The following MGST2 variants were observed in gnomAD, a reference collection of about 807,000 sequenced individuals.
The protein encoded by MGST2 is glutathione peroxidase MGST2.
A neutral mutation model predicts 16.6 loss-of-function variants in MGST2; 9 were observed. That is an observed-to-expected ratio of 0.54 (90% CI 0.33 to 0.95). The LOEUF is 0.95. Among genes scored for constraint, MGST2 ranks in the 40% least tolerant of loss-of-function variants. The probability of loss-of-function intolerance (pLI) is 0.03; values close to 1 mark genes in which losing one functional copy is unlikely to be tolerated. For synonymous variants in MGST2, 79 were observed against 68.0 expected (o/e 1.16, Z -0.79); for missense variants, 159 against 175.1 (o/e 0.91, Z 0.52).
At position 139,701,226 on chromosome 4, in the gene MGST2, C is replaced by A. The variant is rs572860633; in HGVS notation, c.230-2229C>A. On this transcript the variant is annotated intron_variant, in intron 3 of 4. Coordinates refer to ENST00000265498, the MANE Select transcript of MGST2 (RefSeq NM_002413.5). ...TGCTTGAGTATCTTGTCAGAAATTT[C>A]TTTTCATTCTTTCTCATCCAAAGTA... is the stretch of plus-strand genomic sequence containing the variant. Among the ~76,000 whole-genome samples, 16 of 152,260 alleles carry A rather than the reference C, an allele frequency of 1.1e-4. No homozygotes were observed. In the South Asian group the frequency reaches 3.3e-3, roughly 32 times the overall value.
intron 5 of MGST2, among the ~76,000 whole-genome samples, chr4:139,733,571 A>C (rs1427641881): frequency 1.4e-4 from 21 of 152,192 alleles, no homozygotes; most frequent in Non-Finnish European, 2.5e-4. Context: ...AAAAAAAAAA[A>C]AAAACCCTCC....
intron 5 of MGST2, among the ~76,000 whole-genome samples, chr4:139,728,922 C>G (rs1300239315): frequency 6.6e-6 from 1 of 152,146 alleles, no homozygotes; most frequent in African/African-American, 2.4e-5. Flanking sequence ...AAAGCCATCA[C>G]TCAAAACATC....
chr4:139,686,519 C>G (rs907642282), intron 2 of MGST2, among the ~76,000 whole-genome samples: 1 of 152,034 alleles, frequency 6.6e-6, no homozygotes, highest in Non-Finnish European at 1.5e-5. Flanking sequence ...GGTTGGGGGG[C>G]CTTAGAATTT....
chr4:139,750,874 G>C, the MGST2 span, among the ~76,000 whole-genome samples: 2 of 152,134 alleles, frequency 1.3e-5, no homozygotes, highest in Non-Finnish European at 2.9e-5. Flanking sequence ...TCAGAAGAAG[G>C]GTTTTTGTTT....
chr4:139,709,013 A>AAG (rs1727633781), downstream of MGST2, among the ~76,000 whole-genome samples: 4 of 143,426 alleles, frequency 2.8e-5, no homozygotes, highest in Admixed American at 2.8e-4. Context: ...AAAAAAAAAA[A>AAG]AAGAAAAAGA....
At chr4:139,718,533 GT>G (rs1036378995) in intron 5 of MGST2, 3 of 152,364 alleles carry the variant, frequency 2.0e-5, no homozygotes, top group African/African-American at 7.2e-5. Context: ...TATGGGTTTT[GT>G]ATTGGGCGCC....
intron 2 of MGST2, among the ~76,000 whole-genome samples, chr4:139,686,909 AGGCTAAGTCCCTG>A (rs1475421610): frequency 6.6e-6 from 1 of 152,186 alleles, no homozygotes; most frequent in African/African-American, 2.4e-5. Flanking sequence ...GGTATCAAGG[AGGCTAAGTCCCTG>A]GGCCACTTCT....
chr4:139,675,881 T>C (rs1245344578), intron 1 of MGST2, among the ~76,000 whole-genome samples: 3 of 152,194 alleles, frequency 2.0e-5, no homozygotes, highest in South Asian at 4.1e-4. Flanking sequence ...TTGTCATGCA[T>C]GCATTCCGGA....
chr4:139,666,415 C>A (rs1242654157), intron 1 of MGST2, among the ~76,000 whole-genome samples: 1 of 152,182 alleles, frequency 6.6e-6, no homozygotes, highest in African/African-American at 2.4e-5. Context: ...TGCTAACCTG[C>A]AGGAAGTGGT....
chr4:139,666,564 A>C (rs1188166429), intron 1 of MGST2, among the ~76,000 whole-genome samples: 3 of 152,206 alleles, frequency 2.0e-5, no homozygotes, highest in African/African-American at 7.2e-5. Context: ...GATTGAAAAA[A>C]ACTTCCTTCA....
rs899640178 is a variant in MGST2 at position 139,735,417 on chromosome 4, G to C, written c.*49-4795G>C. On this transcript the variant is annotated intron_variant, in intron 5 of 5. Coordinates refer to the MGST2 transcript ENST00000616265. The surrounding 1 kb of genome is among the most constrained non-coding windows in gnomAD (Gnocchi z 5.8). ...GTGGGGGAGGGCGCGGGAAGGGGAC[G>C]TGGAGGGAAACGGAAGGGCTGGGAG... Among the ~76,000 whole-genome samples the C allele has an allele frequency of 3.3e-5, 5 of 151,806 alleles. No homozygotes were observed. Among genetic ancestry groups the C allele is most frequent in the Admixed American group, 2.0e-4 (3 of 15,256 alleles).
chr4:139,751,291 A>G, the MGST2 span, among the ~76,000 whole-genome samples: 26,195 of 152,152 alleles, frequency 0.17, 2,911 homozygotes, highest in African/African-American at 0.31. Context: ...TATCCAAAAT[A>G]TTTGGGATCA....
the MGST2 span, among the ~76,000 whole-genome samples, chr4:139,753,341 AATCTATCTATCT>A: frequency 6.3e-4 from 92 of 146,690 alleles, no homozygotes; most frequent in African/African-American, 1.0e-3. Flanking sequence ...TTTTCTTTTT[AATCTATCTATCT>A]ATCTATCTAT....
downstream of MGST2, among the ~76,000 whole-genome samples, chr4:139,707,401 A>C (rs1229764884): frequency 0.018 from 1,743 of 97,798 alleles, no homozygotes; most frequent in Admixed American, 0.024. Flanking sequence ...TTATGGCTGC[A>C]TAGTATTCCA....
chr4:139,690,528 TC>T (rs1460379974), intron 2 of MGST2, among the ~76,000 whole-genome samples: 1 of 152,174 alleles, frequency 6.6e-6, no homozygotes, highest in East Asian at 1.9e-4. Flanking sequence ...AATGGATAAA[TC>T]CCAGATTCTC....
intron 5 of MGST2, chr4:139,719,680 G>T (rs780078440): frequency 6.2e-7 from 1 of 1,613,444 alleles, no homozygotes; most frequent in Non-Finnish European, 8.5e-7. Flanking sequence ...CTGGGTTGAG[G>T]GTCCTCACTG....
chr4:139,736,436 C>A (rs113228425), intron 5 of MGST2, among the ~76,000 whole-genome samples: 2 of 152,156 alleles, frequency 1.3e-5, no homozygotes, highest in African/African-American at 4.8e-5. Flanking sequence ...TAGACAGAGG[C>A]GCCTGGCTGT....
At chr4:139,724,557 C>T (rs955356739) in intron 5 of MGST2, among the ~76,000 whole-genome samples, 2 of 152,096 alleles carry the variant, frequency 1.3e-5, no homozygotes, top group Non-Finnish European at 2.9e-5. Flanking sequence ...TTATATGTTT[C>T]TCTGCAAGAG....
At chr4:139,709,327 C>T (rs188480733) in intron 5 of MGST2, among the ~76,000 whole-genome samples, 2 of 152,194 alleles carry the variant, frequency 1.3e-5, no homozygotes, top group African/African-American at 4.8e-5. Context: ...TCATGATCCG[C>T]CCACCTCAGC....
Sources: gnomAD v4.1 joint callset for allele counts (sites outside exome capture counted in the v4.1 genomes callset) on GRCh38, gnomAD v4.1.1 for gene constraint, Gnocchi (gnomAD v3.1) non-coding constraint, MANE v1.5 for transcripts, NCBI Gene and HGNC (gene_info 2026-07-23, HGNC 2026-07-21) for gene names.